The following CEP83 variants were observed in gnomAD, a reference collection of about 807,000 sequenced individuals.
The protein encoded by CEP83 is centrosomal protein 83.
In CEP83, 70 loss-of-function variants were observed where a neutral mutation model predicts 101.9. The ratio of observed to expected loss-of-function variants is 0.69; its 90% CI spans 0.57 to 0.84. The LOEUF (loss-of-function observed/expected upper bound fraction) is 0.84, where lower values mean the gene tolerates loss of function less well. Ranked by LOEUF, CEP83 falls within the 40% of genes least tolerant of loss-of-function variation. CEP83 has a pLI of 0.00. For synonymous variants in CEP83, 264 were observed against 267.9 expected, an observed-to-expected ratio of 0.99 and a Z score of 0.14; for missense variants, 715 against 787.2, an observed-to-expected ratio of 0.91 and a Z score of 1.10.
the CEP83 span, among the ~76,000 whole-genome samples, chr12:94,266,285 G>A: frequency 6.6e-6 from 1 of 152,156 alleles, no homozygotes; most frequent in East Asian, 1.9e-4. Context: ...TGCCAGATGC[G>A]GCTCACTTCT....
At chr12:94,282,829 TGAA>T in the CEP83 span, 642 of 155,586 alleles carry the variant, frequency 4.1e-3, 16 homozygotes, top group Admixed American at 0.037. Flanking sequence ...CCTTGCTTCC[TGAA>T]GAAGTTCTAA....
intron 6 of CEP83, among the ~76,000 whole-genome samples, chr12:94,387,309 A>T (rs1041635988): frequency 2.0e-5 from 3 of 152,190 alleles, no homozygotes; most frequent in African/African-American, 7.2e-5. Flanking sequence ...ACCTCCTGTC[A>T]GATCAGTGGG....
intron 8 of CEP83, among the ~76,000 whole-genome samples, chr12:94,370,417 A>G (rs1435528441): frequency 6.6e-6 from 1 of 152,250 alleles, no homozygotes; most frequent in African/African-American, 2.4e-5. Flanking sequence ...TATGTCATCC[A>G]GGCTGGAGTG....
At chr12:94,267,704 A>T in the CEP83 span, among the ~76,000 whole-genome samples, 4 of 152,212 alleles carry the variant, frequency 2.6e-5, no homozygotes, top group East Asian at 7.7e-4. Context: ...CAGAGAAGGC[A>T]CATGATCCGT....
At chr12:94,409,314 A>T (rs990993504) in intron 4 of CEP83, among the ~76,000 whole-genome samples, 1 of 152,040 alleles carries the variant, frequency 6.6e-6, no homozygotes, top group Non-Finnish European at 1.5e-5. Context: ...GCCTTACTAG[A>T]TATGTTTATC....
chr12:94,358,336 G>T (rs2060577823), intron 11 of CEP83, among the ~76,000 whole-genome samples: 1 of 152,046 alleles, frequency 6.6e-6, no homozygotes, highest in Non-Finnish European at 1.5e-5. Flanking sequence ...GTATGTCCCT[G>T]GTACGGGACT....
intron 7 of CEP83, 112 bp downstream of exon 7, chr12:94,378,679 T>A (rs939553960): frequency 8.8e-7 from 1 of 1,137,540 alleles, no homozygotes; most frequent in South Asian, 1.5e-5. Flanking sequence ...ATTACACAAA[T>A]GCATCAGCAT....
chr12:94,374,632 G>C (rs996071675), intron 8 of CEP83, among the ~76,000 whole-genome samples: 1 of 152,102 alleles, frequency 6.6e-6, no homozygotes, highest in Non-Finnish European at 1.5e-5. Flanking sequence ...AGGCTGGAAG[G>C]GTTCTTACAG....
chr12:94,284,074 C>G, the CEP83 span, among the ~76,000 whole-genome samples: 3 of 138,608 alleles, frequency 2.2e-5, no homozygotes, highest in Admixed American at 2.4e-4. Flanking sequence ...CAGAGCAAGA[C>G]TCCATGTCAG....
intron 6 of CEP83, among the ~76,000 whole-genome samples, chr12:94,391,713 T>C (rs1024787466): frequency 6.6e-6 from 1 of 151,968 alleles, no homozygotes; most frequent in African/African-American, 2.4e-5. Flanking sequence ...GACCCATCAG[T>C]GTGCTGTATT....
downstream of CEP83, chr12:94,305,123 A>C: frequency 7.2e-6 from 8 of 1,110,298 alleles, no homozygotes; most frequent in Non-Finnish European, 1.1e-5. Flanking sequence ...GTATGCAAAA[A>C]ACAGAATTGT....
intron 1 of CEP83, among the ~76,000 whole-genome samples, chr12:94,438,695 G>A (rs776462967): frequency 4.6e-5 from 7 of 152,150 alleles, no homozygotes; most frequent in Non-Finnish European, 8.8e-5. Context: ...GGACTTAACA[G>A]ATATTTACAG....
chr12:94,349,600 C>T (rs1407094610), intron 11 of CEP83, among the ~76,000 whole-genome samples: 1 of 152,080 alleles, frequency 6.6e-6, no homozygotes, highest in Non-Finnish European at 1.5e-5. Flanking sequence ...CTAACAAACT[C>T]GGAATAGAAG....
At chr12:94,328,285 T>A (rs752980737) in intron 14 of CEP83, 2 of 357,428 alleles carry the variant, frequency 5.6e-6, no homozygotes, top group Non-Finnish European at 1.1e-5. Flanking sequence ...CAGAAGGGCA[T>A]CCCAACTCAA....
Position 94,424,686 on chromosome 12 carries a change from T to A in CEP83, c.-102+10589A>T. 5.0e-6 allele frequency: 8 copies of A among 1,612,070 alleles called. No homozygotes were observed. In the South Asian group the frequency reaches 8.8e-5, roughly 18 times the overall value. On this transcript the variant is annotated intron_variant, in intron 2 of 16. Transcript: ENST00000397809. ...TCTACAAAGCCATAGCCTTTACATT[T>A]GTTTGTGGTCTTGTCCAGTACGGCC...
chr12:94,304,057 A>AT (rs1366812714), downstream of CEP83: 4 of 1,472,236 alleles, frequency 2.7e-6, no homozygotes, highest in Non-Finnish European at 3.8e-6. Context: ...ATGAGGTAAG[A>AT]TTTTAAATAA....
At chr12:94,284,107 A>T in the CEP83 span, among the ~76,000 whole-genome samples, 1 of 151,660 alleles carries the variant, frequency 6.6e-6, no homozygotes, top group Non-Finnish European at 1.5e-5. Context: ...AAAAAAAAAA[A>T]AGCAGGGTTT....
At chr12:94,418,276 G>C (rs140763068) in intron 2 of CEP83, among the ~76,000 whole-genome samples, 10 of 152,278 alleles carry the variant, frequency 6.6e-5, no homozygotes, top group African/African-American at 2.4e-4. Context: ...CAGGAGAACT[G>C]CTTGAATCTG....
At chr12:94,293,455 G>A in the CEP83 span, among the ~76,000 whole-genome samples, 1 of 152,188 alleles carries the variant, frequency 6.6e-6, no homozygotes, top group Non-Finnish European at 1.5e-5. Context: ...TTGACTGGGT[G>A]GCTTAAACAT....
Sources: allele counts gnomAD v4.1 joint callset (sites outside exome capture counted in the v4.1 genomes callset), GRCh38; gene constraint gnomAD v4.1.1; transcripts MANE v1.5; gene names NCBI Gene and HGNC (gene_info 2026-07-23, HGNC 2026-07-21).